Variants in ATP6V1B2 observed in about 807,000 individuals in gnomAD.
The protein encoded by ATP6V1B2 is V-type proton ATPase subunit B, brain isoform.
A neutral mutation model predicts 66.7 loss-of-function variants in ATP6V1B2; 23 were observed. The observed-to-expected ratio is 0.34, with a 90% CI of 0.25 to 0.49. The LOEUF (loss-of-function observed/expected upper bound fraction) is 0.49, where lower values mean the gene tolerates loss of function less well. ATP6V1B2 is among the 20% of genes least tolerant of loss of function. ATP6V1B2 has a pLI of 0.99. For synonymous variants in ATP6V1B2, 278 were observed against 236.7 expected (o/e 1.17, Z -1.60); for missense variants, 478 against 650.8 (o/e 0.73, Z 2.89).
chr8:20,210,514 T>A (rs1554545233), intron 4 of ATP6V1B2, 55 bp from the exon 5 acceptor site: 1 of 1,608,768 alleles, frequency 6.2e-7, no homozygotes, highest in Non-Finnish European at 8.5e-7. Context: ...TTTTAAAAAT[T>A]ATGAACATTT....
chr8:20,211,580 T>A (rs2072793742), intron 6 of ATP6V1B2, 72 bp from the exon 7 acceptor site: 1 of 1,485,540 alleles, frequency 6.7e-7, no homozygotes, highest in South Asian at 1.2e-5. Flanking sequence ...CCAAAAAGTT[T>A]ATGGTAAAAG....
rs1339577445 is a variant in ATP6V1B2, at chr8:20,220,302, T to A, written c.1436T>A (p.Ile479Asn). The A allele has an allele frequency of 1.2e-6, 2 of 1,604,864 alleles. No individual in the cohort carries two copies. Among genetic ancestry groups the A allele is most frequent in the South Asian group, 2.2e-5 (2 of 89,310 alleles). ...ENRTVFETLD[I>N]GWQLLRIFPK... Reference sequence around the variant, plus strand: ...CGCACTGTCTTTGAGACTTTGGACATTGGCTGGCAGCTACTCCGAATCTTC... The same window carrying A: ...CGCACTGTCTTTGAGACTTTGGACAATGGCTGGCAGCTACTCCGAATCTTC... Residue 479 changes from isoleucine to asparagine, a missense_variant, in exon 14 of 14, where the codon ATT becomes AAT. Coordinates refer to ENST00000276390, the MANE Select transcript of ATP6V1B2 (RefSeq NM_001693.4).
intron 12 of ATP6V1B2, 59 bp from the exon 13 acceptor site, chr8:20,218,094 C>T (rs2072872759): frequency 6.3e-7 from 1 of 1,592,046 alleles, no homozygotes; most frequent in Admixed American, 1.8e-5. Flanking sequence ...TCCTATATCC[C>T]AGATGACTGA....
At chr8:20,204,918 T>C (rs994046044) in intron 2 of ATP6V1B2, among the ~76,000 whole-genome samples, 1 of 152,152 alleles carries the variant, frequency 6.6e-6, no homozygotes, top group Non-Finnish European at 1.5e-5. Flanking sequence ...AAACACTTCT[T>C]AAAAGAAGGG....
At chr8:20,212,975 C>T in intron 9 of ATP6V1B2, 70 bp downstream of exon 9, 1 of 1,583,944 alleles carries the variant, frequency 6.3e-7, no homozygotes, top group East Asian at 2.2e-5. Context: ...TGTCACTTTG[C>T]AAGTTTTCAT....
Position 20,211,171 on chromosome 8 carries a change from C to A in ATP6V1B2, c.464-6C>A, listed in dbSNP as rs767434557. On this transcript the variant is annotated splice_polypyrimidine_tract_variant and splice_region_variant and intron_variant, in intron 5 of 13. Transcript: ENST00000276390. Reference sequence around the variant, plus strand: ...GTTGAAATTTTCCTTTTTGGAAATACATTAGGTCAGCCAATCAACCCTCAA... The same window carrying A: ...GTTGAAATTTTCCTTTTTGGAAATAAATTAGGTCAGCCAATCAACCCTCAA... The A allele has an allele frequency of 7.5e-6, 12 of 1,608,380 alleles. No homozygotes were observed. The highest frequency in any genetic ancestry group is 1.0e-5 in the Non-Finnish European group (12 of 1,178,330).
intron 3 of ATP6V1B2, 28 bp from the exon 4 acceptor site, chr8:20,210,318 C>A: frequency 6.4e-7 from 1 of 1,572,342 alleles, no homozygotes; most frequent in South Asian, 1.1e-5. Context: ...TTACTTCTAC[C>A]CTTCTCATTA....
intron 1 of ATP6V1B2, among the ~76,000 whole-genome samples, chr8:20,199,249 G>C (rs1366104848): frequency 6.6e-6 from 1 of 152,170 alleles, no homozygotes; most frequent in African/African-American, 2.4e-5. Flanking sequence ...GTAGCATAGG[G>C]CTTCACACTC....
At position 20,218,394 on chromosome 8, in the gene ATP6V1B2, A is replaced by T. The variant is rs1320775628; in HGVS notation, c.1396+112A>T. 1.4e-5 allele frequency: 20 copies of T among 1,387,524 alleles called. No individual in the cohort carries two copies. The Admixed American group carries it at 3.7e-4, about 26-fold the overall frequency. 86.0% of individuals were successfully genotyped at this position (1,387,524 alleles called of 1,614,324 possible). ...TTTCTATATAGTTATTTCTCTGGTT[A>T]GAGAAGAGGCTCTGTCACCTGCCTG... On this transcript the variant is annotated intron_variant, in intron 13 of 13. Transcript: ENST00000276390.
Position 20,220,251 on chromosome 8 carries a change from C to A in ATP6V1B2, c.1397-12C>A. On this transcript the variant is annotated splice_polypyrimidine_tract_variant and intron_variant, in intron 13 of 13. Coordinates refer to ENST00000276390, the MANE Select transcript of ATP6V1B2 (RefSeq NM_001693.4). ...TCATTTGCATTTATTAATTCAATCT[C>A]AATTTTTTAAGGTCCTTACGAAAAT... 6.2e-7 allele frequency: 1 copy of A among 1,602,688 alleles called. No individual in the cohort carries two copies. Among genetic ancestry groups the A allele is most frequent in the Non-Finnish European group, 8.5e-7 (1 of 1,176,456 alleles).
Position 20,211,333 on chromosome 8 carries a change from G to T in ATP6V1B2, c.603+17G>T, listed in dbSNP as rs755643935. ...CACAATGAGGTGAGGACTGGGATCG[G>T]TTTGCTATGAAGTTTAGCAGACAAG... On this transcript the variant is annotated intron_variant, in intron 6 of 13. Coordinates refer to ENST00000276390, the MANE Select transcript of ATP6V1B2 (RefSeq NM_001693.4). 9 of 1,603,832 alleles carry T rather than the reference G, an allele frequency of 5.6e-6. No homozygotes were observed. Among genetic ancestry groups the T allele is most frequent in the Non-Finnish European group, 6.8e-6 (8 of 1,177,008 alleles).
At chr8:20,207,321 G>C (rs2072748562) in intron 2 of ATP6V1B2, among the ~76,000 whole-genome samples, 1 of 152,104 alleles carries the variant, frequency 6.6e-6, no homozygotes, top group African/African-American at 2.4e-5. Context: ...ACATTACAAG[G>C]CCATGGGGGA....
intron 13 of ATP6V1B2, 59 bp downstream of exon 13, chr8:20,218,341 T>C: frequency 2.5e-6 from 4 of 1,578,212 alleles, no homozygotes; most frequent in East Asian, 2.3e-5. Flanking sequence ...TGAAAACTGC[T>C]TTCCAAGCCT....
chr8:20,197,987 A>T (rs1344118118), intron 1 of ATP6V1B2, among the ~76,000 whole-genome samples: 2 of 152,210 alleles, frequency 1.3e-5, no homozygotes, highest in Non-Finnish European at 2.9e-5. Context: ...TGCGGAGGGC[A>T]GACGGTAGAG....
chr8:20,211,103 TTGATA>T, intron 5 of ATP6V1B2, 69 bp from the exon 6 acceptor site: 1 of 1,552,496 alleles, frequency 6.4e-7, no homozygotes. Flanking sequence ...TTCTTTTAAT[TTGATA>T]TGATATCTAA....
rs1264470001 is a variant in ATP6V1B2, at chr8:20,204,479, T to C, written c.137-5T>C. Reference sequence around the variant, plus strand: ...TAAAACTGACTCTTCTGTATTTCTTTCCAGCATACAAGACAGTATCTGGAG... The same window carrying C: ...TAAAACTGACTCTTCTGTATTTCTTCCCAGCATACAAGACAGTATCTGGAG... On this transcript the variant is annotated splice_region_variant and splice_polypyrimidine_tract_variant and intron_variant, in intron 1 of 13. Coordinates refer to ENST00000276390, the MANE Select transcript of ATP6V1B2 (RefSeq NM_001693.4). 1.2e-6 allele frequency: 2 copies of C among 1,611,506 alleles called. No individual in the cohort carries two copies. The highest frequency in any genetic ancestry group is 1.7e-6 in the Non-Finnish European group (2 of 1,178,052).
rs1219573588 is a variant in ATP6V1B2, at chr8:20,217,303, T to C, written c.1245T>C (p.His415=). ...AIGEGMTRKD[H]ADVSNQLYAC... is the part of the protein sequence containing the mutation. ...GAGAAGGGATGACCAGGAAGGATCA[T>C]GCCGATGTATCTAACCAGCTAGTAT... Residue 415 remains histidine (H), a synonymous_variant, in exon 12 of 14, where the codon CAT becomes CAC. Transcript: ENST00000276390. The C allele has an allele frequency of 1.2e-6, 2 of 1,612,056 alleles. No homozygotes were observed. The highest frequency in any genetic ancestry group is 2.2e-5 in the East Asian group (1 of 44,838).
chr8:20,209,422 T>G lies in ATP6V1B2; in HGVS notation c.193-11T>G. On this transcript the variant is annotated splice_polypyrimidine_tract_variant and intron_variant, in intron 2 of 13. Transcript: ENST00000276390. Reference sequence around the variant, plus strand: ...ATGTCGGATATTGATCCTTTATTTTTTTCTCTTTAGTTTCCCAGGTATGCT... The same window carrying G: ...ATGTCGGATATTGATCCTTTATTTTGTTCTCTTTAGTTTCCCAGGTATGCT... 6.2e-7 allele frequency: 1 copy of G among 1,612,866 alleles called. No homozygotes were observed. Among genetic ancestry groups the G allele is most frequent in the Non-Finnish European group, 8.5e-7 (1 of 1,179,048 alleles).
rs2072841618 is a variant in ATP6V1B2 at position 20,215,215 on chromosome 8, G to T, written c.1078+247G>T. ...AGGTACTATTGAGTGCCTGCTGTTTGCAGGACACTGTTCTAAATGTAAAGA... is the reference window on the plus strand; with the variant it reads ...AGGTACTATTGAGTGCCTGCTGTTTTCAGGACACTGTTCTAAATGTAAAGA... On this transcript the variant is annotated intron_variant, in intron 10 of 13. Transcript: ENST00000276390. 7 of 332,342 alleles carry T rather than the reference G, an allele frequency of 2.1e-5. No individual in the cohort carries two copies. The South Asian group carries it at 3.5e-4, about 17-fold the overall frequency. 20.6% of individuals were successfully genotyped at this position (332,342 alleles called of 1,614,324 possible). A position where few individuals can be genotyped will look rare whatever the true frequency, so the allele number is the denominator to read the frequency against.
Sources: gnomAD v4.1 joint callset for allele counts (sites outside exome capture counted in the v4.1 genomes callset) on GRCh38, gnomAD v4.1.1 for gene constraint, MANE v1.5 for transcripts, NCBI Gene and HGNC (gene_info 2026-07-23, HGNC 2026-07-21) for gene names.